SYT9: variants seen among roughly 807,000 people sequenced by gnomAD.
SYT9 encodes synaptotagmin-9.
A neutral mutation model predicts 48.4 loss-of-function variants in SYT9; 22 were observed. The ratio of observed to expected loss-of-function variants is 0.45; its 90% CI spans 0.32 to 0.65. The LOEUF is 0.65. Ranked by LOEUF, SYT9 falls within the 30% of genes least tolerant of loss-of-function variation. SYT9 has a pLI of 0.03. For synonymous variants in SYT9, 265 were observed against 245.0 expected (o/e 1.08, Z -0.76); for missense variants, 577 against 622.0 (o/e 0.93, Z 0.77).
At chr11:7,338,813 A>C (rs1849669676) in intron 3 of SYT9, among the ~76,000 whole-genome samples, 1 of 152,032 alleles carries the variant, frequency 6.6e-6, no homozygotes, top group African/African-American at 2.4e-5. Context: ...AGAAGAATAT[A>C]TATTCTGTTT....
At chr11:7,349,476 C>T (rs2134001158) in intron 3 of SYT9, among the ~76,000 whole-genome samples, 1 of 152,194 alleles carries the variant, frequency 6.6e-6, no homozygotes, top group South Asian at 2.1e-4. Context: ...GGCCCAAATG[C>T]ACAGAGTTGC....
chr11:7,361,800 A>G (rs1293582014), intron 3 of SYT9, among the ~76,000 whole-genome samples: 3 of 152,192 alleles, frequency 2.0e-5, no homozygotes, highest in Non-Finnish European at 4.4e-5. Context: ...AAAGAATTAC[A>G]TTTTTCTCAA....
chr11:7,432,577 A>AT (rs1847614649), intron 6 of SYT9, among the ~76,000 whole-genome samples: 1 of 9,170 alleles, frequency 1.1e-4, no homozygotes, highest in Non-Finnish European at 1.8e-4. Context: ...AAAAAAAAAA[A>AT]AAAAAATATA....
intron 1 of SYT9, among the ~76,000 whole-genome samples, chr11:7,263,120 C>A (rs1405118463): frequency 6.6e-6 from 1 of 152,112 alleles, no homozygotes; most frequent in Admixed American, 6.5e-5. Context: ...ATATTTAAAA[C>A]CAAAAAATCT....
intron 3 of SYT9, among the ~76,000 whole-genome samples, chr11:7,337,189 T>C (rs886188711): frequency 2.6e-5 from 4 of 152,180 alleles, no homozygotes; most frequent in Non-Finnish European, 1.5e-5. Flanking sequence ...TTTTATATGT[T>C]GATTTTTGTA....
At chr11:7,245,699 C>T (rs1238095745) in intron 1 of SYT9, among the ~76,000 whole-genome samples, 4 of 152,156 alleles carry the variant, frequency 2.6e-5, no homozygotes, top group African/African-American at 9.7e-5. Context: ...ATCATCACAT[C>T]GTAGATGGTG....
intron 1 of SYT9, among the ~76,000 whole-genome samples, chr11:7,266,272 C>T (rs950319805): frequency 6.6e-6 from 1 of 151,976 alleles, no homozygotes; most frequent in African/African-American, 2.4e-5. Context: ...TATAGGTCAT[C>T]CTTCTTCTGG....
At position 7,467,975 on chromosome 11, in the gene SYT9, C is replaced by A. The variant is rs147765986; in HGVS notation, c.*1175C>A. ...GTCTGCCAACCAATGGCCAGCTATGCGCCTCATCCTCATTGCTTCTGCCTC... is the reference window on the plus strand; with the variant it reads ...GTCTGCCAACCAATGGCCAGCTATGAGCCTCATCCTCATTGCTTCTGCCTC... On this transcript the variant is annotated 3_prime_UTR_variant, in exon 7 of 7. Coordinates refer to ENST00000318881, the MANE Select transcript of SYT9 (RefSeq NM_175733.4). 70 of 292,154 alleles carry A rather than the reference C, an allele frequency of 2.4e-4. No homozygotes were observed. The Middle Eastern group carries it at 2.8e-3, about 12-fold the overall frequency. The allele number at this position is 292,154 out of a possible 1,614,324, so 18.1% of individuals were successfully genotyped here.
chr11:7,253,335 T>G (rs1847908740), intron 1 of SYT9, among the ~76,000 whole-genome samples: 1 of 152,232 alleles, frequency 6.6e-6, no homozygotes, highest in Non-Finnish European at 1.5e-5. Context: ...TCTCTTGATA[T>G]TGCTATGTAT....
intron 3 of SYT9, among the ~76,000 whole-genome samples, chr11:7,382,746 A>T (rs955836923): frequency 5.3e-5 from 8 of 152,192 alleles, no homozygotes; most frequent in Non-Finnish European, 2.9e-5. Flanking sequence ...CTAGCTGAAC[A>T]TATCATTGGC....
At chr11:7,241,931 T>G (rs1847745182) in intron 1 of SYT9, among the ~76,000 whole-genome samples, 1 of 152,234 alleles carries the variant, frequency 6.6e-6, no homozygotes, top group South Asian at 2.1e-4. Context: ...CCATTTCTAT[T>G]CCATTGGCTA....
At chr11:7,298,751 G>A (rs1848859104) in intron 1 of SYT9, among the ~76,000 whole-genome samples, 1 of 152,010 alleles carries the variant, frequency 6.6e-6, no homozygotes, top group Admixed American at 6.6e-5. Context: ...CTTCTATCTG[G>A]TGTGCTAGGG....
At chr11:7,295,611 A>G (rs1206546716) in intron 1 of SYT9, among the ~76,000 whole-genome samples, 2 of 152,224 alleles carry the variant, frequency 1.3e-5, no homozygotes, top group African/African-American at 4.8e-5. Context: ...AGCTTTTTCA[A>G]GCATGCACCT....
intron 1 of SYT9, among the ~76,000 whole-genome samples, chr11:7,296,147 C>T (rs1180070529): frequency 6.6e-6 from 1 of 152,156 alleles, no homozygotes; most frequent in Non-Finnish European, 1.5e-5. Flanking sequence ...TTCTACCTTC[C>T]TAAATATTCA....
intron 2 of SYT9, among the ~76,000 whole-genome samples, chr11:7,308,129 T>C (rs528381998): frequency 4.6e-5 from 7 of 152,376 alleles, no homozygotes; most frequent in African/African-American, 1.7e-4. Context: ...CCTAACTCTC[T>C]CTTCTTCATC....
chr11:7,271,718 AG>A (rs1162867918), intron 1 of SYT9, among the ~76,000 whole-genome samples: 1 of 152,118 alleles, frequency 6.6e-6, no homozygotes, highest in African/African-American at 2.4e-5. Context: ...CTGGGACTAC[AG>A]GCACGTGCCA....
intron 6 of SYT9, among the ~76,000 whole-genome samples, chr11:7,424,960 T>G (rs1362130542): frequency 6.6e-6 from 1 of 152,208 alleles, no homozygotes; most frequent in Non-Finnish European, 1.5e-5. Flanking sequence ...AACAGAGCCC[T>G]CATTTATCAC....
At chr11:7,430,243 C>T (rs1181698761) in intron 6 of SYT9, among the ~76,000 whole-genome samples, 1 of 151,954 alleles carries the variant, frequency 6.6e-6, no homozygotes, top group Non-Finnish European at 1.5e-5. Flanking sequence ...AGATAAAATT[C>T]AGGATGTAAA....
At chr11:7,369,183 C>T (rs537391870) in intron 3 of SYT9, among the ~76,000 whole-genome samples, 5 of 152,210 alleles carry the variant, frequency 3.3e-5, no homozygotes, top group African/African-American at 7.2e-5. Flanking sequence ...TTCTAACTGG[C>T]GTGAGATGGT....
Sources: gnomAD v4.1 joint callset for allele counts (sites outside exome capture counted in the v4.1 genomes callset) on GRCh38, gnomAD v4.1.1 for gene constraint, MANE v1.5 for transcripts, NCBI Gene and HGNC (gene_info 2026-07-23, HGNC 2026-07-21) for gene names.